ANKRD36C: variants seen among roughly 807,000 people sequenced by gnomAD.
ANKRD36C encodes ankyrin repeat domain 36C.
ANKRD36C carries 61 observed loss-of-function variants against 276.4 expected under a neutral mutation model. The ratio of observed to expected loss-of-function variants is 0.22; its 90% confidence interval spans 0.18 to 0.27. The LOEUF (loss-of-function observed/expected upper bound fraction) is 0.27. Among genes scored for constraint, ANKRD36C ranks in the 10% least tolerant of loss-of-function variants. ANKRD36C has a pLI of 1.00. For missense variants in ANKRD36C, 1,447 were observed against 2,032.3 expected (o/e 0.71, Z 5.54); for synonymous variants, 483 against 680.1 (o/e 0.71, Z 4.51).
chr2:95,849,918 G>C (rs565708982), downstream of ANKRD36C, among the ~76,000 whole-genome samples: 4 of 152,306 alleles, frequency 2.6e-5, no homozygotes, highest in African/African-American at 4.8e-5. Flanking sequence ...GTGCAGCCTG[G>C]TTCCTAACAG....
intron 38 of ANKRD36C, among the ~76,000 whole-genome samples, chr2:95,915,661 C>T (rs551977491): frequency 2.3e-4 from 35 of 151,528 alleles, no homozygotes; most frequent in South Asian, 6.2e-4. Context: ...GTACTTCCTC[C>T]CTTTCTCCTT....
At chr2:95,972,701 C>T (rs981601878) in intron 6 of ANKRD36C, among the ~76,000 whole-genome samples, 7 of 152,202 alleles carry the variant, frequency 4.6e-5, no homozygotes, top group African/African-American at 1.2e-4. Flanking sequence ...TATAAAACAC[C>T]TTTCCCTAAT....
chr2:95,958,660 T>A (rs755345911), exon 12 of ANKRD36C: 3 of 1,552,380 alleles, frequency 1.9e-6, no homozygotes, highest in Non-Finnish European at 2.6e-6. Flanking sequence ...TTGTCACTTG[T>A]ATCCTGAATG....
chr2:95,871,505 T>C (rs1458416263), intron 59 of ANKRD36C, among the ~76,000 whole-genome samples: 4 of 150,990 alleles, frequency 2.6e-5, no homozygotes, highest in Non-Finnish European at 5.9e-5. Context: ...CTAAAAGAGC[T>C]CCTGAAGGAA....
chr2:95,960,242 A>C (rs185622960), intron 10 of ANKRD36C, among the ~76,000 whole-genome samples: 1 of 151,906 alleles, frequency 6.6e-6, no homozygotes, highest in East Asian at 1.9e-4. Context: ...CTGCTCTCCA[A>C]TGGTTCTTCT....
At chr2:95,872,719 A>C (rs1183249581) in intron 59 of ANKRD36C, among the ~76,000 whole-genome samples, 3 of 152,120 alleles carry the variant, frequency 2.0e-5, no homozygotes, top group Non-Finnish European at 2.9e-5. Flanking sequence ...AAAATTAATG[A>C]ATCCAGGAGC....
At chr2:95,870,778 G>A (rs541610107) in intron 59 of ANKRD36C, among the ~76,000 whole-genome samples, 1 of 152,272 alleles carries the variant, frequency 6.6e-6, no homozygotes, top group Admixed American at 6.5e-5. Flanking sequence ...AAAAAATTTA[G>A]ACGAATGTAT....
rs1676321173 is a variant in ANKRD36C, at chr2:95,890,634, T to G, written c.2858-640A>C. 2.0e-5 allele frequency among the ~76,000 whole-genome samples: 3 copies of G among 151,568 alleles called. 1 individual carries two copies. Among genetic ancestry groups the G allele is most frequent in the South Asian group, 4.1e-4 (2 of 4,824 alleles). On this transcript the variant is annotated intron_variant, in intron 46 of 66. Transcript: ENST00000456556. Reference sequence around the variant, plus strand: ...ACTAGTATAGACTTCTGAAAGTTTCTTCATCCACTCTTGGCACCAAAGGAT... The same window carrying G: ...ACTAGTATAGACTTCTGAAAGTTTCGTCATCCACTCTTGGCACCAAAGGAT...
intron 59 of ANKRD36C, among the ~76,000 whole-genome samples, chr2:95,876,160 C>T (rs1675948384): frequency 6.6e-6 from 1 of 151,328 alleles, no homozygotes; most frequent in African/African-American, 2.4e-5. Flanking sequence ...TTGATGTTAC[C>T]TTCTTTATTA....
chr2:95,894,487 T>A (rs1349421351), intron 44 of ANKRD36C, among the ~76,000 whole-genome samples: 1 of 151,480 alleles, frequency 6.6e-6, no homozygotes, highest in Non-Finnish European at 1.5e-5. Flanking sequence ...ATTGATAAGA[T>A]TTACATTCAG....
rs752894092 is a variant in ANKRD36C, at chr2:95,857,295, A to G, written c.4080+14T>C. 82 of 1,581,836 alleles carry G rather than the reference A, an allele frequency of 5.2e-5. No individual in the cohort carries two copies. Among genetic ancestry groups the G allele is most frequent in the Middle Eastern group, 2.3e-4 (1 of 4,288 alleles). On this transcript the variant is annotated intron_variant, in intron 62 of 66. Coordinates refer to ENST00000456556, the Ensembl canonical transcript of ANKRD36C. ...AAGAGTAGAAATATGAAGTTTTACCAAACATTAATTTACCTGATTTGAATT... is the reference window on the plus strand; with the variant it reads ...AAGAGTAGAAATATGAAGTTTTACCGAACATTAATTTACCTGATTTGAATT...
At chr2:95,913,614 T>C (rs567986842) in intron 40 of ANKRD36C, among the ~76,000 whole-genome samples, 1 of 151,582 alleles carries the variant, frequency 6.6e-6, no homozygotes, top group South Asian at 2.1e-4. Flanking sequence ...CCCAAAATTA[T>C]ATAAATGACT....
intron 6 of ANKRD36C, among the ~76,000 whole-genome samples, chr2:95,969,323 T>C (rs1373821441): frequency 1.3e-5 from 2 of 152,092 alleles, no homozygotes; most frequent in African/African-American, 4.8e-5. Context: ...TGACAGAAAA[T>C]GGGGTTGAAG....
At chr2:95,879,888 T>A (rs1573736031) in intron 58 of ANKRD36C, among the ~76,000 whole-genome samples, 2 of 144,642 alleles carry the variant, frequency 1.4e-5, no homozygotes, top group East Asian at 4.0e-4. Flanking sequence ...GAATAAAACC[T>A]TATATTTTTA....
chr2:95,961,863 A>G (rs1278036449), intron 8 of ANKRD36C, among the ~76,000 whole-genome samples: 1 of 151,774 alleles, frequency 6.6e-6, no homozygotes. Context: ...CATAAATAAC[A>G]TCTTCTTTTC....
At chr2:95,946,498 G>A (rs1277432854) in intron 17 of ANKRD36C, among the ~76,000 whole-genome samples, 2 of 143,310 alleles carry the variant, frequency 1.4e-5, no homozygotes, top group African/African-American at 5.2e-5. Flanking sequence ...AAGTCAGTGT[G>A]GCGATTCCTC....
chr2:95,930,284 G>A (rs1304862130), intron 24 of ANKRD36C, among the ~76,000 whole-genome samples: 1 of 151,542 alleles, frequency 6.6e-6, no homozygotes, highest in Middle Eastern at 3.4e-3. Flanking sequence ...TGGTAACAAA[G>A]AGGAGCAATG....
intron 48 of ANKRD36C, 120 bp from the exon 69 acceptor site, chr2:95,888,240 T>A: frequency 6.6e-7 from 1 of 1,525,944 alleles, no homozygotes; most frequent in Non-Finnish European, 8.9e-7. Context: ...GGCTTTGATG[T>A]TTTCTACTTT....
At chr2:95,935,361 C>T (rs112036065) in intron 24 of ANKRD36C, 93 bp downstream of exon 24, 220,530 of 956,380 alleles carry the variant, frequency 0.23, 20,877 homozygotes, top group East Asian at 0.43. Flanking sequence ...TTCTATCTTA[C>T]TGGGGTAAAA....
Sources: gnomAD v4.1 joint callset for allele counts (sites outside exome capture counted in the v4.1 genomes callset) on GRCh38, gnomAD v4.1.1 for gene constraint, MANE v1.5 for transcripts, NCBI Gene and HGNC (gene_info 2026-07-23, HGNC 2026-07-21) for gene names.